Variants in SYTL2 observed in about 807,000 individuals in gnomAD.
SYTL2 encodes the protein synaptotagmin like 2.
SYTL2 carries 165 observed loss-of-function variants against 198.7 expected under a neutral mutation model. The ratio of observed to expected loss-of-function variants is 0.83; its 90% CI spans 0.73 to 0.94. SYTL2 has a LOEUF of 0.94. Ranked by LOEUF, SYTL2 falls within the 40% of genes least tolerant of loss-of-function variation. The probability of loss-of-function intolerance (pLI) is 0.00; values close to 1 mark genes in which losing one functional copy is unlikely to be tolerated. For synonymous variants in SYTL2, 966 were observed against 917.7 expected (o/e 1.05, Z -0.95); for missense variants, 2,835 against 2,582.8 (o/e 1.10, Z -2.12).
chr11:85,803,909 A>G (rs2092924498), intron 1 of SYTL2, among the ~76,000 whole-genome samples: 1 of 152,262 alleles, frequency 6.6e-6, no homozygotes, highest in Non-Finnish European at 1.5e-5. Flanking sequence ...GACACAGAGT[A>G]TGCACTAGAT....
intron 1 of SYTL2, among the ~76,000 whole-genome samples, chr11:85,788,808 T>C (rs914709964): frequency 2.0e-5 from 3 of 151,922 alleles, no homozygotes; most frequent in African/African-American, 7.3e-5. Flanking sequence ...GAAGGAATCA[T>C]CCATGACTGA....
At chr11:85,810,450 T>C (rs1172914057) in intron 1 of SYTL2, among the ~76,000 whole-genome samples, 1 of 152,134 alleles carries the variant, frequency 6.6e-6, no homozygotes, top group African/African-American at 2.4e-5. Context: ...AGTTTATAGC[T>C]CGCCGTGGGA....
chr11:85,709,271 T>A, intron 14 of SYTL2, 60 bp downstream of exon 14: 2 of 1,538,332 alleles, frequency 1.3e-6, no homozygotes, highest in Non-Finnish European at 1.8e-6. Flanking sequence ...TCCTTCCAAT[T>A]CCTGTAAGAT....
chr11:85,833,040 AAAGAAAGAAAGAAAG>A, the SYTL2 span, among the ~76,000 whole-genome samples: 38 of 23,466 alleles, frequency 1.6e-3, 3 homozygotes, highest in Non-Finnish European at 2.2e-3. Flanking sequence ...AGAAAGAAAG[AAAGAAAGAAAGAAAG>A]AAAGAAAGAA....
intron 11 of SYTL2, chr11:85,714,767 G>A (rs1318939269): frequency 2.2e-6 from 2 of 915,452 alleles, no homozygotes; most frequent in Admixed American, 8.8e-5. Flanking sequence ...TTATTGAACT[G>A]GAGCTGCACT....
chr11:85,847,510 T>C, the SYTL2 span, among the ~76,000 whole-genome samples: 4 of 152,216 alleles, frequency 2.6e-5, no homozygotes, highest in African/African-American at 9.6e-5. Context: ...TGCTGGGTCA[T>C]ACAGTATATG....
At chr11:85,842,907 C>G in the SYTL2 span, among the ~76,000 whole-genome samples, 1 of 152,184 alleles carries the variant, frequency 6.6e-6, no homozygotes, top group South Asian at 2.1e-4. Flanking sequence ...ACCATAGTGC[C>G]TAGCTCATAG....
intron 2 of SYTL2, among the ~76,000 whole-genome samples, chr11:85,756,986 T>G (rs1402528766): frequency 6.6e-6 from 1 of 152,222 alleles, no homozygotes; most frequent in Non-Finnish European, 1.5e-5. Flanking sequence ...AAAGTCAAGT[T>G]CTTCAGCATC....
the SYTL2 span, among the ~76,000 whole-genome samples, chr11:85,837,787 G>C: frequency 1.3e-5 from 2 of 152,110 alleles, no homozygotes; most frequent in Admixed American, 6.5e-5. Context: ...ATGAAGAATA[G>C]GTGAATAATG....
At chr11:85,708,027 G>A (rs1159569115) in intron 14 of SYTL2, 2 of 352,574 alleles carry the variant, frequency 5.7e-6, no homozygotes, top group Admixed American at 3.8e-5. Context: ...GCTGGGTGTG[G>A]TGATGCATGC....
At chr11:85,838,391 A>G in the SYTL2 span, among the ~76,000 whole-genome samples, 60 of 152,316 alleles carry the variant, frequency 3.9e-4, no homozygotes, top group African/African-American at 1.4e-3. Context: ...AGGTGTATGT[A>G]TTAGGACGTT....
chr11:85,780,916 T>G (rs1055842211), intron 1 of SYTL2, among the ~76,000 whole-genome samples: 1 of 152,188 alleles, frequency 6.6e-6, no homozygotes, highest in African/African-American at 2.4e-5. Flanking sequence ...AGTTAGGCAA[T>G]GTCAGAATTG....
intron 1 of SYTL2, among the ~76,000 whole-genome samples, chr11:85,793,992 CA>C (rs1458814164): frequency 1.3e-5 from 2 of 152,168 alleles, no homozygotes; most frequent in Non-Finnish European, 2.9e-5. Context: ...AAAGAGCACA[CA>C]ATCCCTCAAT....
At chr11:85,805,849 T>C (rs1055698268) in intron 1 of SYTL2, among the ~76,000 whole-genome samples, 9 of 152,222 alleles carry the variant, frequency 5.9e-5, no homozygotes, top group African/African-American at 1.9e-4. Flanking sequence ...GATGCATTTA[T>C]AGAAAGAGGA....
Position 85,726,491 on chromosome 11 carries a change from T to A in SYTL2, c.2867A>T (p.Asn956Ile), listed in dbSNP as rs1224779270. Residue 956 changes from asparagine to isoleucine, a missense_variant, in exon 8 of 20, where the codon AAT becomes ATT. Coordinates refer to ENST00000359152, the MANE Select transcript of SYTL2 (RefSeq NM_206927.4). ...EKDRPLVRESNANFKVMSLKE... is the reference protein window; with the variant it reads ...EKDRPLVRESIANFKVMSLKE... ...TAGGGACATAACTTTAAAGTTGGCATTTGATTCACGAACTAGAGGTCTGTC... is the reference window on the plus strand; with the variant it reads ...TAGGGACATAACTTTAAAGTTGGCAATTGATTCACGAACTAGAGGTCTGTC... The A allele has an allele frequency of 1.2e-6, 2 of 1,609,242 alleles. No homozygotes were observed. The highest frequency in any genetic ancestry group is 2.2e-5 in the South Asian group (2 of 91,062).
At chr11:85,762,359 G>A (rs1386920791) in intron 1 of SYTL2, among the ~76,000 whole-genome samples, 1 of 152,180 alleles carries the variant, frequency 6.6e-6, no homozygotes. Context: ...TATTATTGAT[G>A]TGTTCACAGG....
intron 2 of SYTL2, among the ~76,000 whole-genome samples, chr11:85,751,653 G>A (rs2091519936): frequency 1.3e-5 from 2 of 152,192 alleles, no homozygotes; most frequent in South Asian, 4.1e-4. Flanking sequence ...TCCCAGGTGG[G>A]ATGTCCTGGT....
At chr11:85,806,555 G>C (rs1461798693) in intron 1 of SYTL2, among the ~76,000 whole-genome samples, 1 of 152,132 alleles carries the variant, frequency 6.6e-6, no homozygotes, top group East Asian at 1.9e-4. Flanking sequence ...AATCTCAAGA[G>C]GTTATAGATT....
Position 85,724,050 on chromosome 11 carries a change from T to C in SYTL2, c.5308A>G (p.Ser1770Gly), listed in dbSNP as rs2088749369. 6.7e-7 allele frequency: 1 copy of C among 1,498,922 alleles called. No individual in the cohort carries two copies. The allele number at this position is 1,498,922 out of a possible 1,614,324, so 92.9% of individuals were successfully genotyped here. The change falls in exon 8 of 20, where the codon AGC (serine) becomes GGC (glycine). Residue 1770 changes from serine (S) to glycine (G), a missense_variant. Around this residue, in one of 3 missense-constraint regions of SYTL2, gnomAD observed 2,645 missense variants for 2,381.7 expected, o/e 1.11. Coordinates refer to ENST00000359152, the MANE Select transcript of SYTL2 (RefSeq NM_206927.4). Reference sequence around the variant, plus strand: ...TGCTCACTGGAAGGATTTCTCCAGCTCTCTGCATTAGAACTGGTGTTTCCA... The same window carrying C: ...TGCTCACTGGAAGGATTTCTCCAGCCCTCTGCATTAGAACTGGTGTTTCCA... Reference protein sequence around the residue: ...SDGNTSSNAESWRNPSSSEEE... With the variant: ...SDGNTSSNAEGWRNPSSSEEE...
Sources: gnomAD v4.1 joint callset for allele counts (sites outside exome capture counted in the v4.1 genomes callset) on GRCh38, gnomAD v4.1.1 for gene constraint, gnomAD v4.1.1 regional missense constraint, MANE v1.5 for transcripts, NCBI Gene and HGNC (gene_info 2026-07-23, HGNC 2026-07-21) for gene names.